Variants in PCDHGB1 observed in about 807,000 individuals in gnomAD.
The protein encoded by PCDHGB1 is protocadherin gamma-B1.
Under a neutral mutation model 56.6 loss-of-function variants are expected in PCDHGB1, and 34 were observed. The ratio of observed to expected loss-of-function variants is 0.60; its 90% CI spans 0.46 to 0.80. PCDHGB1 has a LOEUF of 0.80. Ranked by LOEUF, PCDHGB1 falls within the 30% of genes least tolerant of loss-of-function variation. The pLI is 0.00. For synonymous variants in PCDHGB1, 561 were observed against 505.9 expected (o/e 1.11, Z -1.46); for missense variants, 1,278 against 1,204.6 (o/e 1.06, Z -0.90).
intron 1 of PCDHGB1, chr5:141,440,761 C>T (rs2098198732): frequency 6.6e-6 from 1 of 152,172 alleles, no homozygotes; most frequent in African/African-American, 2.4e-5. Context: ...GCAGAGCTCC[C>T]ATCCCTTAGT....
intron 1 of PCDHGB1, chr5:141,394,548 C>T (rs1176145709): frequency 6.2e-7 from 1 of 1,614,160 alleles, no homozygotes; most frequent in Admixed American, 1.7e-5. Context: ...GGAGCTGGCG[C>T]CCCGCTCCGC....
intron 1 of PCDHGB1, among the ~76,000 whole-genome samples, chr5:141,430,360 T>C (rs570966246): frequency 1.8e-4 from 27 of 151,522 alleles, no homozygotes; most frequent in Middle Eastern, 3.4e-3. Flanking sequence ...TAAAAGCTCA[T>C]TGGGGAAAAA....
At chr5:141,475,600 T>A (rs1023916159) in intron 1 of PCDHGB1, among the ~76,000 whole-genome samples, 2 of 152,192 alleles carry the variant, frequency 1.3e-5, no homozygotes, top group Admixed American at 1.3e-4. Context: ...TTCCAGACAA[T>A]GTTGTGTAGT....
intron 1 of PCDHGB1, chr5:141,420,535 T>C (rs1322301404): frequency 6.2e-6 from 2 of 321,930 alleles, no homozygotes; most frequent in African/African-American, 4.3e-5. Flanking sequence ...CGGTTAAAAA[T>C]ATAAAATACA....
intron 1 of PCDHGB1, chr5:141,399,710 T>C: frequency 6.2e-7 from 1 of 1,613,346 alleles, no homozygotes; most frequent in South Asian, 1.1e-5. Flanking sequence ...GAACTCACAC[T>C]ACAGGCCCGC....
rs2099419063 is a variant in PCDHGB1 at position 141,477,824 on chromosome 5, C to G, written c.2410-16983C>G. On this transcript the variant is annotated intron_variant, in intron 1 of 3. Coordinates refer to ENST00000523390, the MANE Select transcript of PCDHGB1 (RefSeq NM_018922.3). This position sits in a 1 kb window ranked among gnomAD's most constrained non-coding sequence, Gnocchi z 4.9. ...TGACAATGCCCCCCAGGTCCTATAT[C>G]CTCGGCCAGGTGGGAGCTCGGTGGA... is the stretch of plus-strand genomic sequence containing the variant. 5.6e-6 allele frequency: 9 copies of G among 1,614,196 alleles called. No individual in the cohort carries two copies. The highest frequency in any genetic ancestry group is 5.9e-6 in the Non-Finnish European group (7 of 1,180,034).
intron 1 of PCDHGB1, chr5:141,364,794 C>T (rs1763540796): frequency 6.2e-7 from 1 of 1,613,872 alleles, no homozygotes; most frequent in Non-Finnish European, 8.5e-7. Context: ...TTAGTGCTTC[C>T]CTTCGCGCGG....
In PCDHGB1 at chr5:141,364,711, T is replaced by C. The variant is rs370237297; in HGVS notation, c.2409+12042T>C. ...TAGAAGTAGAAATAATCGATATTAA[T>C]GATAACTTCCCGCGTTTCCGGGATG... On this transcript the variant is annotated intron_variant, in intron 1 of 3. Transcript: ENST00000523390. 48 of 1,613,870 alleles carry C rather than the reference T, an allele frequency of 3.0e-5. No homozygotes were observed. In the African/African-American group the frequency reaches 5.1e-4, roughly 17 times the overall value.
chr5:141,400,337 C>G (rs752660585), intron 1 of PCDHGB1: 7 of 1,614,080 alleles, frequency 4.3e-6, no homozygotes, highest in African/African-American at 2.7e-5. Flanking sequence ...GTGGTTCCCC[C>G]CAACTACAGT....
intron 2 of PCDHGB1, among the ~76,000 whole-genome samples, chr5:141,504,748 T>A (rs979724181): frequency 7.2e-5 from 11 of 151,880 alleles, no homozygotes; most frequent in Non-Finnish European, 1.3e-4. Context: ...CCATTGAATT[T>A]TAGAAATTTC....
rs1562150111 is a variant in PCDHGB1, at chr5:141,491,805, T to G, written c.2410-3002T>G. 1 of 1,495,892 alleles carries G rather than the reference T, an allele frequency of 6.7e-7. No homozygotes were observed. 92.7% of individuals were successfully genotyped at this position (1,495,892 alleles called of 1,614,324 possible). A position where few individuals can be genotyped will look rare whatever the true frequency, so the allele number is the denominator to read the frequency against. On this transcript the variant is annotated intron_variant, in intron 1 of 3. Coordinates refer to ENST00000523390, the MANE Select transcript of PCDHGB1 (RefSeq NM_018922.3). This position sits in a 1 kb window ranked among gnomAD's most constrained non-coding sequence, Gnocchi z 6.9. ...TGCATCCACTCCTCTCCGGCCGGCT[T>G]GGTCGCTGGCTGCGCTCCACCCGAT... is the stretch of plus-strand genomic sequence containing the variant.
chr5:141,486,166 G>A lies in PCDHGB1; in HGVS notation c.2410-8641G>A. ...GCGATGGGGGTTCTCCAGCCATGGA[G>A]CAACATTGCAGCCTTCGAGTGGATC... On this transcript the variant is annotated intron_variant, in intron 1 of 3. Coordinates refer to ENST00000523390, the MANE Select transcript of PCDHGB1 (RefSeq NM_018922.3). The surrounding 1 kb of genome is among the most constrained non-coding windows in gnomAD (Gnocchi z 5.0). The A allele has an allele frequency of 2.5e-6, 4 of 1,614,224 alleles. No individual in the cohort carries two copies. The highest frequency in any genetic ancestry group is 3.4e-6 in the Non-Finnish European group (4 of 1,180,040).
intron 1 of PCDHGB1, chr5:141,421,720 G>T: frequency 6.2e-7 from 1 of 1,613,906 alleles, no homozygotes. Context: ...AGATGTGGGC[G>T]TGAACTCCCT....
intron 1 of PCDHGB1, chr5:141,389,862 C>CGTGG (rs2091951757): frequency 6.2e-7 from 1 of 1,613,964 alleles, no homozygotes; most frequent in Non-Finnish European, 8.5e-7. Flanking sequence ...CACGTTGCAC[C>CGTGG]TGGTCTTCGC....
intron 1 of PCDHGB1, chr5:141,371,116 T>G (rs1486795854): frequency 1.2e-6 from 2 of 1,613,914 alleles, no homozygotes; most frequent in Non-Finnish European, 8.5e-7. Flanking sequence ...AACCCCCCAG[T>G]ATTTACTCAG....
chr5:141,510,802 C>T (rs1358684730), intron 3 of PCDHGB1, 145 bp from the exon 4 acceptor site: 1 of 1,497,192 alleles, frequency 6.7e-7, no homozygotes, highest in African/African-American at 1.4e-5. Context: ...AGAGAGACTA[C>T]CTTGGTGACC....
chr5:141,413,319 C>T, intron 1 of PCDHGB1: 1 of 1,613,960 alleles, frequency 6.2e-7, no homozygotes, highest in South Asian at 1.1e-5. Context: ...AAGGCTCTTT[C>T]GTGGGCAACA....
intron 1 of PCDHGB1, among the ~76,000 whole-genome samples, chr5:141,454,617 G>T (rs2098794218): frequency 6.6e-6 from 1 of 151,322 alleles, no homozygotes; most frequent in Non-Finnish European, 1.5e-5. Context: ...TGTTGGTCAG[G>T]CTGGTCTCGA....
intron 1 of PCDHGB1, chr5:141,385,224 T>C (rs751833387): frequency 1.2e-6 from 2 of 1,614,206 alleles, no homozygotes; most frequent in Non-Finnish European, 1.7e-6. Context: ...AGCCCAACTA[T>C]GTAGACATGC....
Sources: gnomAD v4.1 joint callset for allele counts (sites outside exome capture counted in the v4.1 genomes callset) on GRCh38, gnomAD v4.1.1 for gene constraint, Gnocchi (gnomAD v3.1) non-coding constraint, MANE v1.5 for transcripts, NCBI Gene and HGNC (gene_info 2026-07-23, HGNC 2026-07-21) for gene names.